Variants in FHIT observed in about 807,000 individuals in gnomAD.
The protein encoded by FHIT is bis(5'-adenosyl)-triphosphatase.
FHIT carries 19 observed loss-of-function variants against 17.9 expected under a neutral mutation model. That is an observed-to-expected ratio of 1.06 (90% CI 0.74 to 1.56). FHIT has a LOEUF of 1.56. FHIT is among the 40% of genes most tolerant of loss of function. The pLI, the probability that FHIT is intolerant of heterozygous loss-of-function variation, is 0.00. For synonymous variants in FHIT, 81 were observed against 69.7 expected (o/e 1.16, Z -0.81); for missense variants, 248 against 189.2 (o/e 1.31, Z -1.82).
chr3:59,885,477 T>A (rs1404589919), intron 8 of FHIT, among the ~76,000 whole-genome samples: 1 of 151,396 alleles, frequency 6.6e-6, no homozygotes, highest in Non-Finnish European at 1.5e-5. Flanking sequence ...ATGTCTCTGA[T>A]TTGATTTGGT....
chr3:60,562,114 G>C (rs901563436), intron 4 of FHIT, among the ~76,000 whole-genome samples: 1 of 152,116 alleles, frequency 6.6e-6, no homozygotes, highest in African/African-American at 2.4e-5. Flanking sequence ...TTAGATGCTA[G>C]GGATACAACG....
At chr3:60,846,520 G>C (rs1702931710) in intron 3 of FHIT, among the ~76,000 whole-genome samples, 1 of 152,180 alleles carries the variant, frequency 6.6e-6, no homozygotes, top group African/African-American at 2.4e-5. Context: ...ATCACCTGTA[G>C]GGTGCAAGTT....
chr3:60,845,340 A>AAC (rs1702888432), intron 3 of FHIT, among the ~76,000 whole-genome samples: 1 of 151,732 alleles, frequency 6.6e-6, no homozygotes, highest in Non-Finnish European at 1.5e-5. Context: ...AACAAACAAA[A>AAC]AAAAAAACCA....
chr3:60,265,150 A>G (rs538982751), intron 5 of FHIT, among the ~76,000 whole-genome samples: 3 of 152,088 alleles, frequency 2.0e-5, no homozygotes, highest in Non-Finnish European at 2.9e-5. Flanking sequence ...GTTGAAGCAT[A>G]TCTATTAAAG....
intron 5 of FHIT, among the ~76,000 whole-genome samples, chr3:60,328,137 T>C (rs548475940): frequency 2.0e-5 from 3 of 150,500 alleles, no homozygotes; most frequent in African/African-American, 7.4e-5. Flanking sequence ...CCAATCCAAC[T>C]GTAAGGGAGC....
At chr3:60,260,137 A>G (rs374568515) in intron 5 of FHIT, among the ~76,000 whole-genome samples, 1 of 152,220 alleles carries the variant, frequency 6.6e-6, no homozygotes, top group South Asian at 2.1e-4. Context: ...TACAAGTTAG[A>G]AGAGAAAAAA....
intron 2 of FHIT, among the ~76,000 whole-genome samples, chr3:61,067,365 G>C (rs1429802305): frequency 2.6e-5 from 4 of 152,134 alleles, no homozygotes; most frequent in African/African-American, 9.7e-5. Flanking sequence ...AAGGTATATA[G>C]GAAAGAATCC....
At chr3:60,368,190 CTTTT>C (rs142853246) in intron 5 of FHIT, among the ~76,000 whole-genome samples, 31 of 122,896 alleles carry the variant, frequency 2.5e-4, no homozygotes, top group African/African-American at 8.0e-4. Context: ...TAAAACATAT[CTTTT>C]TAAAAAAAAA....
intron 5 of FHIT, among the ~76,000 whole-genome samples, chr3:60,442,915 T>G: frequency 6.6e-6 from 1 of 152,170 alleles, no homozygotes; most frequent in East Asian, 1.9e-4. Flanking sequence ...GCATGGAATG[T>G]TCTTCCATTT....
intron 5 of FHIT, among the ~76,000 whole-genome samples, chr3:60,285,871 AT>A (rs1243142920): frequency 6.6e-6 from 1 of 152,160 alleles, no homozygotes; most frequent in Non-Finnish European, 1.5e-5. Context: ...CACCTTAAAT[AT>A]TTGTCTTTTC....
intron 4 of FHIT, chr3:60,690,424 G>A: frequency 1.7e-6 from 1 of 580,942 alleles, no homozygotes; most frequent in South Asian, 1.4e-5. Flanking sequence ...ATTTGCCATG[G>A]ACAGGATGCC....
intron 5 of FHIT, among the ~76,000 whole-genome samples, chr3:60,372,013 C>G (rs185483210): frequency 1.7e-3 from 265 of 152,210 alleles, no homozygotes; most frequent in Non-Finnish European, 3.1e-3. Flanking sequence ...TACCATAAAG[C>G]CTGAGCTTAT....
chr3:60,152,723 C>G (rs538881635), intron 5 of FHIT, among the ~76,000 whole-genome samples: 1 of 152,320 alleles, frequency 6.6e-6, no homozygotes, highest in East Asian at 1.9e-4. Flanking sequence ...TCTCTATAAC[C>G]TATACCATCT....
intron 5 of FHIT, among the ~76,000 whole-genome samples, chr3:60,032,246 G>C (rs1031466384): frequency 6.6e-6 from 1 of 151,990 alleles, no homozygotes; most frequent in Non-Finnish European, 1.5e-5. Context: ...GGTTGCTCGA[G>C]GCTAGGAGTT....
In FHIT at chr3:60,865,305, T is replaced by C. The variant is rs191496265; in HGVS notation, c.-110-43294A>G. On this transcript the variant is annotated intron_variant, in intron 3 of 9. Coordinates refer to ENST00000492590, the MANE Select transcript of FHIT (RefSeq NM_002012.4). ...TAAATAAGGTAAAATTAAATAAAAT[T>C]TATTTTCTCAGTCCCATTAGCCCCA... Among the ~76,000 whole-genome samples, 198 of 152,292 alleles carry C rather than the reference T, an allele frequency of 1.3e-3. 1 individual carries two copies. Among genetic ancestry groups the C allele is most frequent in the African/African-American group, 4.6e-3 (193 of 41,582 alleles).
intron 7 of FHIT, among the ~76,000 whole-genome samples, chr3:59,953,071 C>T (rs573412020): frequency 3.2e-4 from 48 of 151,994 alleles, no homozygotes; most frequent in Admixed American, 6.6e-5. Context: ...GGTCCCCTAG[C>T]GTATGTTGTG....
intron 5 of FHIT, among the ~76,000 whole-genome samples, chr3:60,265,737 G>T (rs1261721505): frequency 6.6e-6 from 1 of 151,734 alleles, no homozygotes; most frequent in Non-Finnish European, 1.5e-5. Context: ...ATAATAAATA[G>T]ATGATTCAAA....
intron 8 of FHIT, among the ~76,000 whole-genome samples, chr3:59,889,632 G>A (rs1405946347): frequency 6.6e-6 from 1 of 152,192 alleles, no homozygotes; most frequent in Non-Finnish European, 1.5e-5. Flanking sequence ...ACACTACAAC[G>A]TGGTTGGAAT....
chr3:60,813,292 C>T (rs1435663049), intron 4 of FHIT, among the ~76,000 whole-genome samples: 3 of 151,536 alleles, frequency 2.0e-5, no homozygotes, highest in Non-Finnish European at 4.4e-5. Flanking sequence ...AACCATGAAC[C>T]AAATAAATTT....
Sources: allele counts gnomAD v4.1 joint callset (sites outside exome capture counted in the v4.1 genomes callset), GRCh38; gene constraint gnomAD v4.1.1; transcripts MANE v1.5; gene names NCBI Gene and HGNC (gene_info 2026-07-23, HGNC 2026-07-21).